The following PTPRD variants were observed in gnomAD, a reference collection of about 807,000 sequenced individuals.
The protein encoded by PTPRD is protein tyrosine phosphatase receptor type D.
A neutral mutation model predicts 214.5 loss-of-function variants in PTPRD; 34 were observed. The observed-to-expected ratio is 0.16, with a 90% CI of 0.12 to 0.21. The LOEUF (loss-of-function observed/expected upper bound fraction) is 0.21. Ranked by LOEUF, PTPRD falls within the 10% of genes least tolerant of loss-of-function variation. PTPRD has a pLI of 1.00. For synonymous variants in PTPRD, 1,128 were observed against 845.7 expected (o/e 1.33, Z -5.79); for missense variants, 2,545 against 2,398.7 (o/e 1.06, Z -1.27).
chr9:9,765,546 T>G (rs1201206214), intron 6 of PTPRD, among the ~76,000 whole-genome samples: 1 of 152,168 alleles, frequency 6.6e-6, no homozygotes, highest in Admixed American at 6.5e-5. Flanking sequence ...TGTAGAGAAG[T>G]TTTAGAGAAA....
chr9:9,661,947 C>G (rs564266225), intron 7 of PTPRD, among the ~76,000 whole-genome samples: 3 of 151,664 alleles, frequency 2.0e-5, no homozygotes, highest in Non-Finnish European at 4.4e-5. Flanking sequence ...CTCTGAAGTT[C>G]TTTCCAGATT....
At position 8,626,542 on chromosome 9, in the gene PTPRD, A is replaced by G. The variant is rs553820915; in HGVS notation, c.352+6775T>C. On this transcript the variant is annotated intron_variant, in intron 14 of 45. Transcript: ENST00000381196. ...AAATATTTGGTCAAATGTTATCTTG[A>G]GCATTACTGTCAGGGTGTTTTTGGA... 2.0e-5 allele frequency among the ~76,000 whole-genome samples: 3 copies of G among 151,908 alleles called. No homozygotes were observed. In the East Asian group the frequency reaches 5.8e-4, roughly 30 times the overall value.
At chr9:8,701,827 T>C (rs942036138) in intron 12 of PTPRD, among the ~76,000 whole-genome samples, 5 of 152,304 alleles carry the variant, frequency 3.3e-5, no homozygotes, top group Admixed American at 3.3e-4. Context: ...AAATAGAGTA[T>C]TCCATATAAA....
intron 9 of PTPRD, among the ~76,000 whole-genome samples, chr9:9,335,535 T>C (rs2044101151): frequency 6.6e-6 from 1 of 152,102 alleles, no homozygotes; most frequent in Non-Finnish European, 1.5e-5. Flanking sequence ...TGTTCTTCCT[T>C]GGAACAGTCT....
At chr9:8,353,502 G>A (rs143649749) in intron 39 of PTPRD, among the ~76,000 whole-genome samples, 6 of 151,742 alleles carry the variant, frequency 4.0e-5, no homozygotes, top group Middle Eastern at 3.4e-3. Context: ...GTGTGATCTC[G>A]GCTCATCGTA....
chr9:8,339,285 A>G (rs1255872994), intron 42 of PTPRD, among the ~76,000 whole-genome samples: 2 of 152,166 alleles, frequency 1.3e-5, no homozygotes, highest in Admixed American at 6.6e-5. Flanking sequence ...GGCAGATAGT[A>G]GCTGCTTAAT....
intron 21 of PTPRD, among the ~76,000 whole-genome samples, chr9:8,516,831 A>T (rs894349990): frequency 8.1e-5 from 9 of 111,530 alleles, no homozygotes; most frequent in Admixed American, 1.2e-4. Flanking sequence ...TTTGAGATGG[A>T]GTCTTGCTGT....
chr9:9,678,142 C>T (rs1025063633), intron 7 of PTPRD, among the ~76,000 whole-genome samples: 2 of 151,998 alleles, frequency 1.3e-5, no homozygotes, highest in South Asian at 2.1e-4. Flanking sequence ...GGCCATACTG[C>T]CCAAGGTAAT....
intron 11 of PTPRD, among the ~76,000 whole-genome samples, chr9:8,831,666 TA>T (rs1299227499): frequency 3.9e-5 from 6 of 152,130 alleles, no homozygotes; most frequent in African/African-American, 1.4e-4. Context: ...CTTCAAATAT[TA>T]AAAAAGAACT....
rs548161582 is a variant in PTPRD, at chr9:10,246,225, C to T, written c.-545+94738G>A. 3.9e-5 allele frequency among the ~76,000 whole-genome samples: 6 copies of T among 151,990 alleles called. No homozygotes were observed. In the South Asian group the frequency reaches 6.2e-4, roughly 16 times the overall value. ...GTATTCATAAAGTGAAACATTAGTACCAACTCGATTGGCTATTTTTGTTTT... is the reference window on the plus strand; with the variant it reads ...GTATTCATAAAGTGAAACATTAGTATCAACTCGATTGGCTATTTTTGTTTT... On this transcript the variant is annotated intron_variant, in intron 3 of 45. Transcript: ENST00000381196.
chr9:8,730,210 C>T (rs1237972633), intron 12 of PTPRD, among the ~76,000 whole-genome samples: 1 of 152,132 alleles, frequency 6.6e-6, no homozygotes, highest in Non-Finnish European at 1.5e-5. Context: ...GAGCCGAGAT[C>T]GCGCCACTGC....
intron 3 of PTPRD, among the ~76,000 whole-genome samples, chr9:10,336,607 G>A (rs1178561426): frequency 6.6e-6 from 1 of 151,566 alleles, no homozygotes; most frequent in African/African-American, 2.4e-5. Flanking sequence ...AAAATCTCCA[G>A]TAGCCAAGAA....
intron 11 of PTPRD, among the ~76,000 whole-genome samples, chr9:8,825,432 T>TA (rs2097155941): frequency 6.6e-6 from 1 of 152,192 alleles, no homozygotes; most frequent in Admixed American, 6.5e-5. Context: ...AACTAGTTTT[T>TA]AAAATTCTGA....
intron 11 of PTPRD, among the ~76,000 whole-genome samples, chr9:8,743,678 A>G (rs1430176504): frequency 1.3e-5 from 2 of 152,096 alleles, no homozygotes; most frequent in African/African-American, 4.8e-5. Context: ...AAACCCTTCT[A>G]GACATCGGCT....
At chr9:8,774,761 C>T (rs1209838728) in intron 11 of PTPRD, among the ~76,000 whole-genome samples, 1 of 151,894 alleles carries the variant, frequency 6.6e-6, no homozygotes. Context: ...CTCAAACTCC[C>T]AACCTCAGGT....
chr9:8,829,160 G>A (rs991252153), intron 11 of PTPRD, among the ~76,000 whole-genome samples: 1 of 152,070 alleles, frequency 6.6e-6, no homozygotes, highest in African/African-American at 2.4e-5. Context: ...GGTTTTAGGT[G>A]CAGCTGGATG....
intron 12 of PTPRD, chr9:8,713,622 C>G: frequency 6.5e-7 from 1 of 1,533,762 alleles, no homozygotes; most frequent in Non-Finnish European, 9.0e-7. Flanking sequence ...CCACCGCGGG[C>G]GCTGTCACCC....
chr9:8,590,962 G>A (rs2094053117), intron 14 of PTPRD, among the ~76,000 whole-genome samples: 1 of 152,128 alleles, frequency 6.6e-6, no homozygotes, highest in South Asian at 2.1e-4. Flanking sequence ...CCTTTATGGA[G>A]GCTATAGGGG....
chr9:9,808,818 C>A (rs551041600), intron 5 of PTPRD, among the ~76,000 whole-genome samples: 2 of 152,214 alleles, frequency 1.3e-5, no homozygotes, highest in Admixed American at 1.3e-4. Flanking sequence ...GTTTTACAGG[C>A]TAGAACGCAG....
Sources: gnomAD v4.1 joint callset for allele counts (sites outside exome capture counted in the v4.1 genomes callset) on GRCh38, gnomAD v4.1.1 for gene constraint, MANE v1.5 for transcripts, NCBI Gene and HGNC (gene_info 2026-07-23, HGNC 2026-07-21) for gene names.